PPFIA2: variants seen among roughly 807,000 people sequenced by gnomAD.
PPFIA2 encodes the protein liprin-alpha-2.
In PPFIA2, 46 loss-of-function variants were observed where a neutral mutation model predicts 175.5. The ratio of observed to expected loss-of-function variants is 0.26; its 90% CI spans 0.21 to 0.34. PPFIA2 has a LOEUF of 0.34. Among genes scored for constraint, PPFIA2 ranks in the 10% least tolerant of loss-of-function variants. The pLI, the probability that PPFIA2 is intolerant of heterozygous loss-of-function variation, is 1.00. For synonymous variants in PPFIA2, 568 were observed against 511.4 expected (o/e 1.11, Z -1.49); for missense variants, 1,179 against 1,506.1 (o/e 0.78, Z 3.60).
At chr12:81,757,483 A>C (rs2084867734) in intron 2 of PPFIA2, among the ~76,000 whole-genome samples, 1 of 152,186 alleles carries the variant, frequency 6.6e-6, no homozygotes, top group Admixed American at 6.5e-5. Flanking sequence ...AGGTTTTGAA[A>C]CCTAGTCAGA....
chr12:81,732,021 G>C (rs557965814), intron 3 of PPFIA2, among the ~76,000 whole-genome samples: 41 of 151,592 alleles, frequency 2.7e-4, no homozygotes, highest in African/African-American at 9.9e-4. Context: ...CTATGTCACA[G>C]GATGATATGA....
At chr12:81,523,845 C>A (rs2063440702) in intron 4 of PPFIA2, among the ~76,000 whole-genome samples, 1 of 152,216 alleles carries the variant, frequency 6.6e-6, no homozygotes, top group East Asian at 1.9e-4. Context: ...GCTTTTTTTA[C>A]ATCTACTACC....
intron 4 of PPFIA2, among the ~76,000 whole-genome samples, chr12:81,571,895 A>G (rs551938958): frequency 7.2e-5 from 11 of 152,218 alleles, no homozygotes; most frequent in African/African-American, 2.6e-4. Context: ...AGTGTATTCC[A>G]TCTACTTCTT....
intron 21 of PPFIA2, among the ~76,000 whole-genome samples, chr12:81,338,416 T>C (rs576759668): frequency 2.6e-5 from 4 of 152,250 alleles, no homozygotes; most frequent in African/African-American, 4.8e-5. Context: ...TGTATGTATA[T>C]ATCTGCTTAT....
At position 81,394,264 on chromosome 12, in the gene PPFIA2, T is replaced by C. The variant is rs149044120; in HGVS notation, c.763-10020A>G. 9.1e-3 allele frequency among the ~76,000 whole-genome samples: 1,381 copies of C among 152,096 alleles called. 25 individuals carry two copies. The highest frequency in any genetic ancestry group is 0.031 in the African/African-American group (1,291 of 41,528). On this transcript the variant is annotated intron_variant, in intron 8 of 32. Coordinates refer to ENST00000549396, the MANE Select transcript of PPFIA2 (RefSeq NM_003625.5). Reference sequence around the variant, plus strand: ...GGCCCCAAGAGGCTGGTACCAGACTTACTGTTACTTGGATTACTTGGGCTC... The same window carrying C: ...GGCCCCAAGAGGCTGGTACCAGACTCACTGTTACTTGGATTACTTGGGCTC...
intron 4 of PPFIA2, among the ~76,000 whole-genome samples, chr12:81,597,244 AT>A (rs1338317250): frequency 6.6e-6 from 1 of 152,114 alleles, no homozygotes; most frequent in African/African-American, 2.4e-5. Context: ...ATAGAATCTG[AT>A]CTAGTTTAGA....
chr12:81,729,153 A>G (rs1040855922), intron 3 of PPFIA2, among the ~76,000 whole-genome samples: 1 of 151,506 alleles, frequency 6.6e-6, no homozygotes, highest in Non-Finnish European at 1.5e-5. Flanking sequence ...AAGAGAAACA[A>G]AAGATCTGTT....
At chr12:81,486,920 A>T (rs558015938) in intron 4 of PPFIA2, among the ~76,000 whole-genome samples, 1 of 151,978 alleles carries the variant, frequency 6.6e-6, no homozygotes, top group Non-Finnish European at 1.5e-5. Flanking sequence ...ATGCCAATCA[A>T]CTCCATCCCC....
chr12:81,660,876 G>C (rs1371421091), intron 4 of PPFIA2, among the ~76,000 whole-genome samples: 1 of 152,294 alleles, frequency 6.6e-6, no homozygotes, highest in Non-Finnish European at 1.5e-5. Flanking sequence ...AGCCAGATGA[G>C]AGTGGGGGCC....
At chr12:81,264,096 G>A (rs2036486826) in intron 30 of PPFIA2, among the ~76,000 whole-genome samples, 1 of 152,028 alleles carries the variant, frequency 6.6e-6, no homozygotes, top group Non-Finnish European at 1.5e-5. Flanking sequence ...CAGAGGCAGA[G>A]AGTCACATCC....
intron 8 of PPFIA2, among the ~76,000 whole-genome samples, chr12:81,405,469 G>A (rs1030350015): frequency 4.6e-5 from 7 of 151,292 alleles, no homozygotes; most frequent in Non-Finnish European, 8.8e-5. Flanking sequence ...GTGTATATAT[G>A]TACTTTAAAT....
chr12:81,474,894 A>G (rs1566975706), intron 4 of PPFIA2, among the ~76,000 whole-genome samples: 1 of 152,218 alleles, frequency 6.6e-6, no homozygotes, highest in Non-Finnish European at 1.5e-5. Context: ...TAGCAGATAC[A>G]AAAGAGGGAC....
chr12:81,540,324 T>C (rs555956870), intron 4 of PPFIA2, among the ~76,000 whole-genome samples: 4 of 152,186 alleles, frequency 2.6e-5, no homozygotes, highest in African/African-American at 9.6e-5. Context: ...GAGCTATGTT[T>C]TATATCAATT....
chr12:81,631,489 G>A (rs1386412399), intron 4 of PPFIA2, among the ~76,000 whole-genome samples: 1 of 152,046 alleles, frequency 6.6e-6, no homozygotes, highest in South Asian at 2.1e-4. Context: ...ATACTAAAAG[G>A]AAGGGAAAAC....
At chr12:81,391,753 T>C (rs906780442) in intron 8 of PPFIA2, among the ~76,000 whole-genome samples, 3 of 151,930 alleles carry the variant, frequency 2.0e-5, no homozygotes, top group African/African-American at 4.8e-5. Context: ...GGGGAATTGA[T>C]AATGAAAAGA....
chr12:81,542,701 T>C (rs1022010288), intron 4 of PPFIA2, among the ~76,000 whole-genome samples: 1 of 152,270 alleles, frequency 6.6e-6, no homozygotes, highest in Admixed American at 6.5e-5. Context: ...TGAATATAAA[T>C]ATTTCTATGT....
chr12:81,326,517 C>A (rs2054799615), intron 21 of PPFIA2, among the ~76,000 whole-genome samples: 1 of 151,860 alleles, frequency 6.6e-6, no homozygotes, highest in Admixed American at 6.6e-5. Flanking sequence ...TGAAAAAATT[C>A]TAAATTTCTT....
chr12:81,440,222 C>G (rs971258974), intron 6 of PPFIA2, among the ~76,000 whole-genome samples, 176 bp from the exon 7 acceptor site: 1 of 152,222 alleles, frequency 6.6e-6, no homozygotes, highest in African/African-American at 2.4e-5. Flanking sequence ...ATTGTCACCT[C>G]GTATTGTCAC....
intron 3 of PPFIA2, among the ~76,000 whole-genome samples, chr12:81,704,140 G>T (rs1355003747): frequency 6.6e-6 from 1 of 152,094 alleles, no homozygotes. Flanking sequence ...CTCAATATGT[G>T]AAATGAATGA....
Sources: allele counts gnomAD v4.1 joint callset (sites outside exome capture counted in the v4.1 genomes callset), GRCh38; gene constraint gnomAD v4.1.1; transcripts MANE v1.5; gene names NCBI Gene and HGNC (gene_info 2026-07-23, HGNC 2026-07-21).